The following ZDHHC14 variants were observed in gnomAD, a reference collection of about 807,000 sequenced individuals.
ZDHHC14 encodes zDHHC palmitoyltransferase 14.
A neutral mutation model predicts 47.7 loss-of-function variants in ZDHHC14; 16 were observed. The observed-to-expected ratio is 0.34, with a 90% CI of 0.23 to 0.51. The LOEUF is 0.51. Among genes scored for constraint, ZDHHC14 ranks in the 20% least tolerant of loss-of-function variants. The probability of loss-of-function intolerance (pLI) is 0.97; values close to 1 mark genes in which losing one functional copy is unlikely to be tolerated. For synonymous variants in ZDHHC14, 293 were observed against 278.9 expected, an observed-to-expected ratio of 1.05 and a Z score of -0.50; for missense variants, 515 against 662.5, an observed-to-expected ratio of 0.78 and a Z score of 2.44.
intron 1 of ZDHHC14, among the ~76,000 whole-genome samples, chr6:157,521,186 T>G (rs1363918895): frequency 6.6e-6 from 1 of 152,130 alleles, no homozygotes; most frequent in African/African-American, 2.4e-5. Context: ...GGAGGCAGAA[T>G]CAGGAGTCCA....
chr6:157,447,476 AC>A (rs1376315131), intron 1 of ZDHHC14, among the ~76,000 whole-genome samples: 3 of 152,050 alleles, frequency 2.0e-5, no homozygotes, highest in African/African-American at 7.2e-5. Context: ...TGGGGTAGGC[AC>A]CCCCGGGACT....
intron 1 of ZDHHC14, among the ~76,000 whole-genome samples, chr6:157,432,705 G>C (rs574322431): frequency 5.8e-4 from 89 of 152,348 alleles, no homozygotes; most frequent in African/African-American, 2.0e-3. Flanking sequence ...TCTAATCAGA[G>C]CTGTTTCCCC....
chr6:157,655,538 A>G (rs1778046351), intron 8 of ZDHHC14, among the ~76,000 whole-genome samples: 1 of 152,236 alleles, frequency 6.6e-6, no homozygotes, highest in African/African-American at 2.4e-5. Context: ...AGAGCTCACC[A>G]GAATTCTGGC....
At chr6:157,632,077 G>T (rs1785769454) in intron 4 of ZDHHC14, 1 of 152,236 alleles carries the variant, frequency 6.6e-6, no homozygotes, top group Non-Finnish European at 1.5e-5. Context: ...AGTGCAGCTG[G>T]GCCTGTGGTC....
At chr6:157,591,656 G>A (rs1040483260) in intron 2 of ZDHHC14, among the ~76,000 whole-genome samples, 1 of 152,148 alleles carries the variant, frequency 6.6e-6, no homozygotes, top group Non-Finnish European at 1.5e-5. Flanking sequence ...CCACACCAAT[G>A]AAAGACTCTC....
chr6:157,536,819 C>CT (rs768063106), intron 1 of ZDHHC14, among the ~76,000 whole-genome samples: 3,332 of 97,984 alleles, frequency 0.034, 814 homozygotes, highest in Non-Finnish European at 0.047. Context: ...CTCCATCTAT[C>CT]TTTTTTTTTT....
intron 1 of ZDHHC14, among the ~76,000 whole-genome samples, chr6:157,487,655 C>T (rs1779813813): frequency 6.6e-6 from 1 of 152,236 alleles, no homozygotes; most frequent in African/African-American, 2.4e-5. Context: ...ATGCATACTG[C>T]CTTCCAGCAG....
intron 2 of ZDHHC14, among the ~76,000 whole-genome samples, chr6:157,575,142 G>A (rs959429749): frequency 6.6e-6 from 1 of 152,330 alleles, no homozygotes; most frequent in East Asian, 1.9e-4. Flanking sequence ...GGTTTCTACC[G>A]TGAAGTCTTG....
At chr6:157,655,183 TG>T (rs778991428) in intron 8 of ZDHHC14, among the ~76,000 whole-genome samples, 171 of 152,214 alleles carry the variant, frequency 1.1e-3, no homozygotes, top group Middle Eastern at 3.4e-3. Flanking sequence ...AAAAGGAAAC[TG>T]AGAACAGAGG....
chr6:157,424,242 A>C (rs1051146476), intron 1 of ZDHHC14, among the ~76,000 whole-genome samples: 3 of 151,880 alleles, frequency 2.0e-5, no homozygotes, highest in African/African-American at 7.3e-5. Context: ...AAAAAGGCAA[A>C]CCTTAAAGGG....
intron 8 of ZDHHC14, among the ~76,000 whole-genome samples, chr6:157,655,010 C>T (rs565648082): frequency 2.6e-5 from 4 of 152,258 alleles, no homozygotes; most frequent in African/African-American, 7.2e-5. Flanking sequence ...GCTGGGATGA[C>T]GGGCGTGAGC....
chr6:157,651,145 A>G (rs1777815794), intron 7 of ZDHHC14, among the ~76,000 whole-genome samples: 1 of 152,248 alleles, frequency 6.6e-6, no homozygotes, highest in Admixed American at 6.5e-5. Flanking sequence ...TGGGAGGGTT[A>G]AAACAACAGA....
At chr6:157,593,484 G>A (rs17165444) in intron 3 of ZDHHC14, among the ~76,000 whole-genome samples, 37,841 of 152,046 alleles carry the variant, frequency 0.25, 4,832 homozygotes, top group Admixed American at 0.36. Flanking sequence ...CCTACGGGAG[G>A]CACCCTTGTG....
At chr6:157,522,555 C>T (rs180705143) in intron 1 of ZDHHC14, among the ~76,000 whole-genome samples, 1 of 151,886 alleles carries the variant, frequency 6.6e-6, no homozygotes, top group Admixed American at 6.6e-5. Context: ...AATACAGGCT[C>T]AGGAAACAGA....
intron 8 of ZDHHC14, among the ~76,000 whole-genome samples, chr6:157,658,809 G>A (rs1012020725): frequency 3.3e-5 from 5 of 152,254 alleles, no homozygotes; most frequent in East Asian, 3.9e-4. Context: ...TGTTGGTATC[G>A]GGGTAATACC....
At chr6:157,522,981 T>C (rs935000364) in intron 1 of ZDHHC14, among the ~76,000 whole-genome samples, 306 of 29,774 alleles carry the variant, frequency 0.01, 6 homozygotes, top group East Asian at 0.051. Flanking sequence ...TTTTCTTTTC[T>C]TTTTCTTTTC....
intron 1 of ZDHHC14, among the ~76,000 whole-genome samples, chr6:157,428,939 C>T (rs917877403): frequency 1.6e-4 from 24 of 152,236 alleles, no homozygotes; most frequent in Middle Eastern, 3.4e-3. Flanking sequence ...CAGTGAGTCA[C>T]GGTTTTCCAC....
chr6:157,386,325 A>T (rs1008336430), intron 1 of ZDHHC14, among the ~76,000 whole-genome samples: 4 of 152,192 alleles, frequency 2.6e-5, no homozygotes, highest in Non-Finnish European at 4.4e-5. Flanking sequence ...TGGGCAACAT[A>T]GTGAGACCCC....
At chr6:157,627,299 G>T (rs1785473431) in intron 3 of ZDHHC14, among the ~76,000 whole-genome samples, 1 of 152,112 alleles carries the variant, frequency 6.6e-6, no homozygotes, top group African/African-American at 2.4e-5. Flanking sequence ...CAAGCACATA[G>T]AGATAGATAA....
Sources: gnomAD v4.1 joint callset for allele counts (sites outside exome capture counted in the v4.1 genomes callset) on GRCh38, gnomAD v4.1.1 for gene constraint, MANE v1.5 for transcripts, NCBI Gene and HGNC (gene_info 2026-07-23, HGNC 2026-07-21) for gene names.